The following DNAH7 variants were observed in gnomAD, a reference collection of about 807,000 sequenced individuals.
DNAH7 encodes axonemal beta dynein heavy chain 7.
Under a neutral mutation model 444.6 loss-of-function variants are expected in DNAH7, and 397 were observed. The ratio of observed to expected loss-of-function variants is 0.89; its 90% CI spans 0.82 to 0.97. DNAH7 has a LOEUF of 0.97. Among genes scored for constraint, DNAH7 ranks in the 50% least tolerant of loss-of-function variants. The pLI, the probability that DNAH7 is intolerant of heterozygous loss-of-function variation, is 0.00. For missense variants in DNAH7, 4,902 were observed against 4,800.8 expected, an observed-to-expected ratio of 1.02 and a Z score of -0.62; for synonymous variants, 1,636 against 1,624.4, an observed-to-expected ratio of 1.01 and a Z score of -0.17.
At chr2:195,976,690 G>T (rs1323072018) in intron 15 of DNAH7, among the ~76,000 whole-genome samples, 1 of 150,156 alleles carries the variant, frequency 6.7e-6, no homozygotes, top group Non-Finnish European at 1.5e-5. Context: ...GGGTGTTTGT[G>T]TCACCCCTCC....
chr2:196,061,546 A>G (rs532188119), intron 1 of DNAH7, among the ~76,000 whole-genome samples: 1 of 152,280 alleles, frequency 6.6e-6, no homozygotes, highest in Admixed American at 6.5e-5. Context: ...CCCTGGTACC[A>G]TCCTTGATTC....
intron 2 of DNAH7, among the ~76,000 whole-genome samples, chr2:196,051,745 C>T (rs1305129667): frequency 4.6e-5 from 7 of 151,724 alleles, no homozygotes; most frequent in Non-Finnish European, 1.0e-4. Flanking sequence ...CCAGCCTGGG[C>T]GACAGAGCAA....
intron 19 of DNAH7, among the ~76,000 whole-genome samples, chr2:195,950,868 A>AAAC (rs1690194529): frequency 7.2e-6 from 1 of 138,152 alleles, no homozygotes; most frequent in Non-Finnish European, 1.6e-5. Flanking sequence ...AAAAAAAAAA[A>AAAC]AAAAAAAAAA....
At chr2:195,836,028 A>G (rs538661946) in intron 47 of DNAH7, among the ~76,000 whole-genome samples, 33 of 152,304 alleles carry the variant, frequency 2.2e-4, no homozygotes, top group African/African-American at 7.2e-4. Context: ...GTCCAAGACT[A>G]AGGTTTCAGC....
At position 195,934,245 on chromosome 2, in the gene DNAH7, T is replaced by C. The variant is rs562854244; in HGVS notation, c.3471+346A>G. Among the ~76,000 whole-genome samples the C allele has an allele frequency of 1.2e-4, 19 of 152,312 alleles. No homozygotes were observed. In the East Asian group the frequency reaches 1.9e-3, roughly 15 times the overall value. On this transcript the variant is annotated intron_variant, in intron 21 of 64. Coordinates refer to ENST00000312428, the MANE Select transcript of DNAH7 (RefSeq NM_018897.3). ...CATGTCGAGGAGATTGATGTGATCA[T>C]GTAGAGAGGTGCTTCCAAGGCAAGA...
intron 47 of DNAH7, among the ~76,000 whole-genome samples, chr2:195,841,115 T>C (rs1256985898): frequency 6.6e-6 from 1 of 151,892 alleles, no homozygotes; most frequent in Non-Finnish European, 1.5e-5. Context: ...CAAACCCACA[T>C]GCATGTGAAC....
intron 19 of DNAH7, among the ~76,000 whole-genome samples, chr2:195,939,579 TTC>T (rs1332749440): frequency 2.0e-5 from 3 of 152,134 alleles, no homozygotes; most frequent in Non-Finnish European, 4.4e-5. Context: ...TTAGTATGAC[TTC>T]TTTGACACTT....
chr2:196,032,072 C>T (rs991461851), intron 5 of DNAH7, among the ~76,000 whole-genome samples: 2 of 152,184 alleles, frequency 1.3e-5, no homozygotes, highest in African/African-American at 2.4e-5. Flanking sequence ...TACAGTTCCA[C>T]GTGGTTGGGG....
chr2:195,905,699 G>A (rs1686971194), intron 27 of DNAH7: 1 of 151,980 alleles, frequency 6.6e-6, no homozygotes. Context: ...TGGGGAAAAT[G>A]TCATATTTTA....
rs758484606 is a variant in DNAH7 at position 195,872,420 on chromosome 2, C to T, written c.6463G>A (p.Gly2155Ser). The T allele has an allele frequency of 6.2e-7, 1 of 1,609,976 alleles. No homozygotes were observed. Among genetic ancestry groups the T allele is most frequent in the Non-Finnish European group, 8.5e-7 (1 of 1,177,818 alleles). ...GCTTCTTTATACAGAGTCATTGTGC[C>T]ATTTACGATTTGTGTGGTCAAATCT... ...FLDLTTQIVN[G>S]TMTLYKEAMK... Residue 2155 changes from glycine to serine, a missense_variant, in exon 40 of 65, where the codon GGC (glycine) becomes AGC (serine). Physicochemically the swap from Gly to Ser is moderately conservative, Grantham distance 56. Coordinates refer to ENST00000312428, the MANE Select transcript of DNAH7 (RefSeq NM_018897.3).
At chr2:195,926,642 A>T in intron 21 of DNAH7, 76 bp from the exon 22 acceptor site, 1 of 1,300,196 alleles carries the variant, frequency 7.7e-7, no homozygotes, top group Non-Finnish European at 1.0e-6. Context: ...ACTAAACTAG[A>T]TTAATTCATA....
chr2:195,873,492 C>G, intron 39 of DNAH7, 76 bp downstream of exon 39: 1 of 921,832 alleles, frequency 1.1e-6, no homozygotes, highest in South Asian at 3.2e-5. Flanking sequence ...CTTTGAAATA[C>G]GCTACTTAAT....
chr2:195,894,898 C>A, intron 30 of DNAH7, 78 bp downstream of exon 30: 1 of 1,272,986 alleles, frequency 7.9e-7, no homozygotes, highest in South Asian at 2.3e-5. Context: ...ACATTGAATG[C>A]ATCTTTTAAA....
chr2:195,853,677 T>C (rs1699526370), intron 45 of DNAH7, 149 bp from the exon 46 acceptor site: 1 of 734,412 alleles, frequency 1.4e-6, no homozygotes, highest in South Asian at 2.3e-5. Flanking sequence ...GGAAAGTCCA[T>C]GATATTTTAG....
chr2:195,812,459 A>G (rs1252013246), intron 51 of DNAH7, among the ~76,000 whole-genome samples: 1 of 152,226 alleles, frequency 6.6e-6, no homozygotes, highest in Non-Finnish European at 1.5e-5. Context: ...ACCATATCCT[A>G]GTTAGATTTG....
chr2:195,769,522 T>C (rs987362814), intron 61 of DNAH7, among the ~76,000 whole-genome samples: 2 of 152,136 alleles, frequency 1.3e-5, no homozygotes, highest in African/African-American at 4.8e-5. Flanking sequence ...CAGATTCACA[T>C]AGCATTATTG....
rs745386156 is a variant in DNAH7 at position 195,987,908 on chromosome 2, A to T, written c.1626+49T>A. On this transcript the variant is annotated intron_variant, in intron 13 of 64. Transcript: ENST00000312428. ...AAAATACATCCTAATAAAACTGGGG[A>T]AAAGATACCAGATAGAGATAACAGT... 3.5e-5 allele frequency: 52 copies of T among 1,498,958 alleles called. No homozygotes were observed. In the South Asian group the frequency reaches 6.7e-4, roughly 19 times the overall value. The allele number at this position is 1,498,958 out of a possible 1,614,324, so 92.9% of individuals were successfully genotyped here.
intron 19 of DNAH7, among the ~76,000 whole-genome samples, chr2:195,950,851 C>CCAA (rs1690182748): frequency 2.7e-5 from 1 of 36,714 alleles, no homozygotes; most frequent in African/African-American, 9.5e-5. Context: ...GACTCTGTCT[C>CCAA]AAAAAAAAAA....
chr2:195,954,512 GC>G (rs1365657338), intron 19 of DNAH7, among the ~76,000 whole-genome samples: 19 of 152,304 alleles, frequency 1.2e-4, no homozygotes, highest in African/African-American at 4.6e-4. Context: ...TTTTATAGCA[GC>G]ATGATTTATA....
Sources: allele counts gnomAD v4.1 joint callset (sites outside exome capture counted in the v4.1 genomes callset), GRCh38; gene constraint gnomAD v4.1.1; transcripts MANE v1.5; gene names NCBI Gene and HGNC (gene_info 2026-07-23, HGNC 2026-07-21).